Variants in MYO9A observed in about 807,000 individuals in gnomAD.
MYO9A encodes the protein myosin IXA.
In MYO9A, 103 loss-of-function variants were observed where a neutral mutation model predicts 293.3. The ratio of observed to expected loss-of-function variants is 0.35; its 90% confidence interval spans 0.30 to 0.41. MYO9A has a LOEUF of 0.41. Ranked by LOEUF, MYO9A falls within the 10% of genes least tolerant of loss-of-function variation. The pLI is 1.00. For missense variants in MYO9A, 2,685 were observed against 3,033.0 expected, an observed-to-expected ratio of 0.89 and a Z score of 2.69; for synonymous variants, 1,001 against 1,035.7, an observed-to-expected ratio of 0.97 and a Z score of 0.64.
At chr15:72,024,574 A>AT (rs1427882775) in intron 4 of MYO9A, among the ~76,000 whole-genome samples, 2 of 152,296 alleles carry the variant, frequency 1.3e-5, no homozygotes, top group Non-Finnish European at 2.9e-5. Context: ...CACCTGGCCT[A>AT]TTTTTTATGT....
chr15:72,013,616 CA>C (rs1203709335), intron 6 of MYO9A, among the ~76,000 whole-genome samples: 1 of 152,194 alleles, frequency 6.6e-6, no homozygotes, highest in Non-Finnish European at 1.5e-5. Flanking sequence ...AATGCTCTTT[CA>C]TGCTATCAGA....
chr15:72,022,168 A>G (rs146951511), intron 4 of MYO9A, among the ~76,000 whole-genome samples: 1,913 of 152,324 alleles, frequency 0.013, 58 homozygotes, highest in Admixed American at 0.058. Context: ...AAAAGCAACA[A>G]TCAAACCCTG....
chr15:71,906,997 G>T (rs1362486939), intron 19 of MYO9A, among the ~76,000 whole-genome samples: 1 of 148,368 alleles, frequency 6.7e-6, no homozygotes, highest in Non-Finnish European at 1.5e-5. Context: ...CAATGTGCAG[G>T]TTAGTTACAT....
chr15:72,070,852 T>C (rs986535249), intron 1 of MYO9A, among the ~76,000 whole-genome samples: 1 of 152,214 alleles, frequency 6.6e-6, no homozygotes. Flanking sequence ...GCTACCCATA[T>C]GCAGAAGAAT....
rs184794770 is a variant in MYO9A, at chr15:71,873,557, C to T, written c.5979+2234G>A. On this transcript the variant is annotated intron_variant, in intron 32 of 41. Transcript: ENST00000356056. ...CAAGAAGATTATGCAAATTACACTC[C>T]TATTTGTATTATTGAAAAATCTGTC... is the stretch of plus-strand genomic sequence containing the variant. 1.3e-3 allele frequency among the ~76,000 whole-genome samples: 197 copies of T among 152,128 alleles called. 2 individuals carry two copies. Among genetic ancestry groups the T allele is most frequent in the Non-Finnish European group, 2.5e-4 (17 of 68,004 alleles).
At chr15:71,921,525 G>A (rs1356980927) in intron 18 of MYO9A, among the ~76,000 whole-genome samples, 1 of 152,140 alleles carries the variant, frequency 6.6e-6, no homozygotes, top group Non-Finnish European at 1.5e-5. Flanking sequence ...TTCTTAAATA[G>A]AGAACTTAGT....
chr15:72,040,864 A>T (rs549539784), intron 2 of MYO9A, among the ~76,000 whole-genome samples: 1 of 152,348 alleles, frequency 6.6e-6, no homozygotes, highest in South Asian at 2.1e-4. Context: ...AATATGTCAG[A>T]ATTTGTGGGA....
In MYO9A at chr15:71,880,664, T is replaced by C. The variant is rs2056847379; in HGVS notation, c.5399-106A>G. ...CTTTAACAAGTCACTGAAGGAAACA[T>C]GCAAATATATGAATAGCAAAGTAAC... On this transcript the variant is annotated intron_variant, in intron 28 of 41. Coordinates refer to ENST00000356056, the MANE Select transcript of MYO9A (RefSeq NM_006901.4). 6 of 921,742 alleles carry C rather than the reference T, an allele frequency of 6.5e-6. No individual in the cohort carries two copies. In the Admixed American group the frequency reaches 1.0e-4, roughly 16 times the overall value. 57.1% of individuals were successfully genotyped at this position (921,742 alleles called of 1,614,324 possible). A position where few individuals can be genotyped will look rare whatever the true frequency, so the allele number is the denominator to read the frequency against.
At chr15:72,115,877 G>A (rs1347122414) in intron 1 of MYO9A, among the ~76,000 whole-genome samples, 1 of 151,982 alleles carries the variant, frequency 6.6e-6, no homozygotes, top group Admixed American at 6.5e-5. Flanking sequence ...TAAAAGAAAA[G>A]CATGTAACAT....
At position 71,901,215 on chromosome 15, in the gene MYO9A, CAGAT is replaced by C; in HGVS notation, c.3122_3125del (p.His1041ArgfsTer16). 1 of 1,613,000 alleles carries C rather than the reference CAGAT, an allele frequency of 6.2e-7. No individual in the cohort carries two copies. Among genetic ancestry groups the C allele is most frequent in the Non-Finnish European group, 8.5e-7 (1 of 1,179,654 alleles). ...CCTGGATAATAACAGATGCTTGTCT[CAGAT>C]GGAGGAAATGCTGCCTACACAGCAA... On this transcript the variant is annotated frameshift_variant, in exon 23 of 42. Coordinates refer to ENST00000356056, the MANE Select transcript of MYO9A (RefSeq NM_006901.4). LOFTEE classifies it high-confidence loss of function.
intron 23 of MYO9A, 80 bp downstream of exon 23, chr15:71,901,111 T>G: frequency 1.4e-6 from 2 of 1,430,316 alleles, no homozygotes; most frequent in Non-Finnish European, 1.9e-6. Flanking sequence ...TGAAAATGTT[T>G]TACAGTAAAA....
intron 4 of MYO9A, among the ~76,000 whole-genome samples, chr15:72,023,603 G>A (rs1423849118): frequency 6.6e-6 from 1 of 150,632 alleles, no homozygotes; most frequent in Non-Finnish European, 1.5e-5. Flanking sequence ...GCTGAGGCAG[G>A]AGAATCACTT....
At chr15:72,008,023 A>C (rs1178858756) in intron 7 of MYO9A, 71 bp from the exon 8 acceptor site, 2 of 1,519,364 alleles carry the variant, frequency 1.3e-6, no homozygotes, top group Non-Finnish European at 1.8e-6. Context: ...CTAAAATTCT[A>C]GTTAAGCAAA....
At chr15:71,827,586 A>T (rs2054558323) in intron 41 of MYO9A, among the ~76,000 whole-genome samples, 1 of 152,248 alleles carries the variant, frequency 6.6e-6, no homozygotes, top group Non-Finnish European at 1.5e-5. Context: ...AACAATGTAT[A>T]TGGAAGCTTT....
chr15:72,087,889 T>C (rs2079790894), intron 1 of MYO9A, among the ~76,000 whole-genome samples: 1 of 152,214 alleles, frequency 6.6e-6, no homozygotes, highest in Admixed American at 6.5e-5. Flanking sequence ...AAAATTTGTA[T>C]GTTAAAGCCC....
At chr15:72,027,514 T>G (rs186477466) in intron 4 of MYO9A, among the ~76,000 whole-genome samples, 1 of 152,212 alleles carries the variant, frequency 6.6e-6, no homozygotes, top group Non-Finnish European at 1.5e-5. Context: ...ACTGCTTACT[T>G]GTTCTGACAG....
intron 11 of MYO9A, among the ~76,000 whole-genome samples, chr15:71,982,450 A>G (rs919810963): frequency 6.6e-6 from 1 of 152,118 alleles, no homozygotes; most frequent in East Asian, 1.9e-4. Flanking sequence ...CTTTCGCTTT[A>G]TGGTCCAGGA....
chr15:71,958,983 T>G (rs1596283354), intron 14 of MYO9A: 1 of 152,366 alleles, frequency 6.6e-6, no homozygotes, highest in Non-Finnish European at 1.5e-5. Context: ...AGCAGGATGC[T>G]AATCAATTTT....
chr15:72,102,248 G>A (rs112318102), intron 1 of MYO9A, among the ~76,000 whole-genome samples: 3,194 of 150,230 alleles, frequency 0.021, 33 homozygotes, highest in African/African-American at 0.076. Flanking sequence ...GATTAAGGGC[G>A]GTGCAAGATG....
Sources: allele counts gnomAD v4.1 joint callset (sites outside exome capture counted in the v4.1 genomes callset), GRCh38; gene constraint gnomAD v4.1.1; transcripts MANE v1.5; gene names NCBI Gene and HGNC (gene_info 2026-07-23, HGNC 2026-07-21).